Variants in DMRT1 observed in about 807,000 individuals in gnomAD.
DMRT1 encodes doublesex and mab-3 related transcription factor 1, also known as doublesex- and mab-3-related transcription factor 1.
Under a neutral mutation model 32.3 loss-of-function variants are expected in DMRT1, and 7 were observed. That is an observed-to-expected ratio of 0.22 (90% confidence interval 0.12 to 0.41). The LOEUF (loss-of-function observed/expected upper bound fraction) is 0.41. DMRT1 is among the 10% of genes least tolerant of loss of function. The probability of loss-of-function intolerance (pLI) is 1.00; values close to 1 mark genes in which losing one functional copy is unlikely to be tolerated. For synonymous variants in DMRT1, 278 were observed against 206.1 expected, an observed-to-expected ratio of 1.35 and a Z score of -2.99; for missense variants, 625 against 500.5, an observed-to-expected ratio of 1.25 and a Z score of -2.37.
chr9:966,324 A>C (rs1292715124), intron 4 of DMRT1, among the ~76,000 whole-genome samples: 2 of 152,110 alleles, frequency 1.3e-5, no homozygotes, highest in African/African-American at 4.8e-5. Flanking sequence ...TTGTTATGAA[A>C]TACTACTTAA....
intron 3 of DMRT1, among the ~76,000 whole-genome samples, chr9:902,808 AG>A (rs1817639901): frequency 2.0e-5 from 3 of 151,986 alleles, no homozygotes; most frequent in Admixed American, 2.0e-4. Context: ...TTTTTATGAC[AG>A]CCATGGGAAC....
At chr9:850,641 A>G (rs140345434) in intron 2 of DMRT1, among the ~76,000 whole-genome samples, 2,184 of 152,298 alleles carry the variant, frequency 0.014, 53 homozygotes, top group African/African-American at 0.051. Context: ...TGCATAATTA[A>G]TATAGTGGAA....
intron 2 of DMRT1, among the ~76,000 whole-genome samples, chr9:880,738 A>AG (rs1279292728): frequency 6.6e-6 from 1 of 151,184 alleles, no homozygotes; most frequent in African/African-American, 2.4e-5. Context: ...AAAAAAAAAA[A>AG]AAAAAGAAAA....
chr9:894,133 A>C lies in DMRT1; in HGVS notation c.760A>C (p.Lys254Gln). The C allele has an allele frequency of 6.2e-7, 1 of 1,614,242 alleles. No homozygotes were observed. Residue 254 changes from lysine to glutamine, a missense_variant, in exon 3 of 5, where the codon AAG (lysine) becomes CAG (glutamine). By Grantham distance (53) the Lys-to-Gln change is moderately conservative. Coordinates refer to ENST00000382276, the MANE Select transcript of DMRT1 (RefSeq NM_021951.3). ...AAATCCCCTCGGGGGATCCCCTGTG[A>C]AGAACAGCCTTCGGGGCCTCCCCGG... Reference protein sequence around the residue: ...VGNPLGGSPVKNSLRGLPGPY... With the variant: ...VGNPLGGSPVQNSLRGLPGPY...
intron 4 of DMRT1, among the ~76,000 whole-genome samples, chr9:949,117 C>G (rs949642419): frequency 6.6e-6 from 1 of 151,772 alleles, no homozygotes; most frequent in Non-Finnish European, 1.5e-5. Context: ...AACAAAAACA[C>G]ACACTTGCCA....
At chr9:904,033 G>C (rs1375310019) in intron 3 of DMRT1, among the ~76,000 whole-genome samples, 2 of 152,198 alleles carry the variant, frequency 1.3e-5, no homozygotes, top group Non-Finnish European at 2.9e-5. Context: ...ATGTACTCCA[G>C]GGACTACTTC....
chr9:880,760 A>C (rs1427388228), intron 2 of DMRT1, among the ~76,000 whole-genome samples: 1 of 151,554 alleles, frequency 6.6e-6, no homozygotes, highest in Non-Finnish European at 1.5e-5. Context: ...AAAAGGAAAA[A>C]AAGTATACTT....
At chr9:867,904 A>G (rs186709657) in intron 2 of DMRT1, among the ~76,000 whole-genome samples, 2 of 152,314 alleles carry the variant, frequency 1.3e-5, no homozygotes, top group Admixed American at 1.3e-4. Context: ...TCATTCTGTA[A>G]ATTAAGTTAT....
intron 2 of DMRT1, among the ~76,000 whole-genome samples, chr9:883,243 C>G (rs1451633983): frequency 1.3e-5 from 2 of 151,802 alleles, no homozygotes; most frequent in African/African-American, 4.8e-5. Context: ...AAAAAAGGAG[C>G]TGACATTCCT....
At chr9:882,624 C>T (rs1256802105) in intron 2 of DMRT1, among the ~76,000 whole-genome samples, 2 of 152,076 alleles carry the variant, frequency 1.3e-5, no homozygotes, top group Non-Finnish European at 2.9e-5. Context: ...AGCCCCAGGG[C>T]AGCCTGTTTC....
chr9:944,546 A>G (rs144731730), intron 4 of DMRT1, among the ~76,000 whole-genome samples: 46 of 152,368 alleles, frequency 3.0e-4, no homozygotes, highest in African/African-American at 1.1e-3. Context: ...TTTGCATTTT[A>G]AAAGGAGATG....
chr9:897,568 G>C (rs892232247), intron 3 of DMRT1, among the ~76,000 whole-genome samples: 13 of 151,448 alleles, frequency 8.6e-5, no homozygotes, highest in Admixed American at 6.6e-5. Context: ...CTCCAGCCTG[G>C]GTAACAGAGC....
chr9:959,891 TG>T (rs1329842210), intron 4 of DMRT1, among the ~76,000 whole-genome samples: 2 of 152,254 alleles, frequency 1.3e-5, no homozygotes, highest in Non-Finnish European at 2.9e-5. Context: ...TCCTGTTTTA[TG>T]GTTGCAGTGT....
intron 2 of DMRT1, among the ~76,000 whole-genome samples, chr9:877,415 G>C (rs141679788): frequency 1.0e-3 from 157 of 152,320 alleles, no homozygotes; most frequent in South Asian, 8.7e-3. Flanking sequence ...CTAAGCATTT[G>C]GTGGGCACAT....
chr9:842,583 G>A (rs1838734906), intron 1 of DMRT1: 1 of 209,088 alleles, frequency 4.8e-6, no homozygotes, highest in Non-Finnish European at 9.6e-6. Context: ...CCGTTGCCAT[G>A]CGGGTCCTGG....
Position 842,102 on chromosome 9 carries a change from C to G in DMRT1, c.264C>G (p.Leu88=). The G allele has an allele frequency of 1.9e-6, 3 of 1,547,854 alleles. No individual in the cohort carries two copies. The highest frequency in any genetic ancestry group is 1.7e-6 in the Non-Finnish European group (2 of 1,150,920). ...RCRNHGYASP[L]KGHKRFCMWR... is the part of the protein sequence containing the mutation. ...GGAACCACGGCTACGCCTCGCCGCT[C>G]AAGGGCCACAAGCGCTTCTGCATGT... is the stretch of plus-strand genomic sequence containing the variant. The change falls in exon 1 of 5, where the codon CTC becomes CTG. Residue 88 remains leucine (L), a synonymous_variant. Coordinates refer to ENST00000382276, the MANE Select transcript of DMRT1 (RefSeq NM_021951.3).
At chr9:910,289 G>A (rs1431216801) in intron 3 of DMRT1, among the ~76,000 whole-genome samples, 1 of 150,184 alleles carries the variant, frequency 6.7e-6, no homozygotes, top group Non-Finnish European at 1.5e-5. Flanking sequence ...TCTGATATAA[G>A]TTCAAAAACA....
chr9:924,656 C>T (rs778510189), intron 4 of DMRT1, among the ~76,000 whole-genome samples: 7 of 151,982 alleles, frequency 4.6e-5, no homozygotes, highest in East Asian at 1.9e-4. Context: ...CATGGTCTGC[C>T]GAGTGAGGAA....
intron 1 of DMRT1, among the ~76,000 whole-genome samples, chr9:843,737 T>C (rs918466901): frequency 4.6e-5 from 7 of 152,240 alleles, no homozygotes; most frequent in African/African-American, 1.7e-4. Flanking sequence ...TGTGCTACTT[T>C]TGATTAGGAA....
Sources: allele counts gnomAD v4.1 joint callset (sites outside exome capture counted in the v4.1 genomes callset), GRCh38; gene constraint gnomAD v4.1.1; transcripts MANE v1.5; gene names NCBI Gene and HGNC (gene_info 2026-07-23, HGNC 2026-07-21).